STPG2: variants seen among roughly 807,000 people sequenced by gnomAD.
The protein encoded by STPG2 is sperm tail PG-rich repeat containing 2, also known as sperm-tail PG-rich repeat-containing protein 2.
In STPG2, 56 loss-of-function variants were observed where a neutral mutation model predicts 54.2. The ratio of observed to expected loss-of-function variants is 1.03; its 90% CI spans 0.83 to 1.29. The LOEUF (loss-of-function observed/expected upper bound fraction) is 1.29. STPG2 is among the 50% of genes most tolerant of loss of function. The pLI is 0.00. For synonymous variants in STPG2, 200 were observed against 181.8 expected (o/e 1.10, Z -0.81); for missense variants, 596 against 544.9 (o/e 1.09, Z -0.93).
chr4:98,061,625 AG>A (rs1233709364), intron 5 of STPG2, among the ~76,000 whole-genome samples: 1 of 150,432 alleles, frequency 6.6e-6, no homozygotes, highest in African/African-American at 2.5e-5. Context: ...AATTTTAAAA[AG>A]TGAGCAAAGT....
chr4:97,866,910 T>TA (rs138050815), intron 8 of STPG2, among the ~76,000 whole-genome samples: 24,397 of 151,518 alleles, frequency 0.16, 2,128 homozygotes, highest in East Asian at 0.35. Context: ...TGCAGCAAGG[T>TA]AAAAAAAACT....
In STPG2 at chr4:98,097,875, C is replaced by A. The variant is rs544590028; in HGVS notation, c.612+8078G>T. 2.6e-5 allele frequency among the ~76,000 whole-genome samples: 4 copies of A among 152,076 alleles called. No homozygotes were observed. The East Asian group carries it at 5.8e-4, about 22-fold the overall frequency. ...AAAAAAGTAATCCCATTTACAATAG[C>A]CACAGATAAAATTGAATACCTAGGA... On this transcript the variant is annotated intron_variant, in intron 5 of 10. Coordinates refer to ENST00000295268, the MANE Select transcript of STPG2 (RefSeq NM_174952.3).
chr4:98,100,069 T>C (rs916809798), intron 5 of STPG2, among the ~76,000 whole-genome samples: 3 of 152,122 alleles, frequency 2.0e-5, no homozygotes, highest in Non-Finnish European at 2.9e-5. Flanking sequence ...AAAATGATGA[T>C]ACTATAGCAC....
intron 3 of STPG2, among the ~76,000 whole-genome samples, chr4:98,113,273 T>G (rs1474137390): frequency 6.6e-6 from 1 of 151,996 alleles, no homozygotes; most frequent in East Asian, 1.9e-4. Flanking sequence ...GAAAGAGACT[T>G]ATTCGGGAGC....
intron 8 of STPG2, among the ~76,000 whole-genome samples, chr4:97,863,195 G>T (rs534971728): frequency 2.6e-5 from 4 of 151,916 alleles, no homozygotes; most frequent in Non-Finnish European, 5.9e-5. Flanking sequence ...TTGATAGACC[G>T]CTAGCAAGAC....
intron 4 of STPG2, among the ~76,000 whole-genome samples, chr4:97,492,990 A>G (rs540128486): frequency 1.3e-5 from 2 of 149,792 alleles, no homozygotes; most frequent in East Asian, 2.0e-4. Context: ...GACAAAGAAC[A>G]TGGCAAAAGT....
At chr4:97,704,595 G>A (rs1446001900) in intron 10 of STPG2, among the ~76,000 whole-genome samples, 1 of 152,148 alleles carries the variant, frequency 6.6e-6, no homozygotes, top group Admixed American at 6.5e-5. Flanking sequence ...TTTTAGAATG[G>A]CAAATGACAG....
intron 10 of STPG2, among the ~76,000 whole-genome samples, chr4:97,610,004 C>G (rs921531219): frequency 1.3e-5 from 2 of 151,648 alleles, no homozygotes; most frequent in African/African-American, 2.4e-5. Flanking sequence ...ATAATAGGAC[C>G]ATTTACAGTT....
intron 10 of STPG2, among the ~76,000 whole-genome samples, chr4:97,598,001 G>A (rs1323981517): frequency 6.6e-6 from 1 of 151,754 alleles, no homozygotes; most frequent in East Asian, 1.9e-4. Flanking sequence ...CTGTCTGAAA[G>A]CCCCTTGATC....
chr4:98,014,515 C>A (rs1399417652), intron 5 of STPG2, among the ~76,000 whole-genome samples: 1 of 152,130 alleles, frequency 6.6e-6, no homozygotes, highest in Non-Finnish European at 1.5e-5. Context: ...AGCCTCCCAT[C>A]ACCGCTGCTG....
chr4:97,725,874 T>G (rs535919065), intron 9 of STPG2, among the ~76,000 whole-genome samples: 1 of 151,982 alleles, frequency 6.6e-6, no homozygotes, highest in East Asian at 1.9e-4. Context: ...TAAGAAGTTT[T>G]TAAAATTCTA....
intron 10 of STPG2, among the ~76,000 whole-genome samples, chr4:97,581,017 A>T (rs1476986952): frequency 6.6e-6 from 1 of 151,970 alleles, no homozygotes; most frequent in East Asian, 1.9e-4. Flanking sequence ...TTATTTACTT[A>T]TATTTATTTG....
intron 9 of STPG2, among the ~76,000 whole-genome samples, chr4:97,755,814 G>A (rs1005654503): frequency 1.3e-5 from 2 of 152,102 alleles, no homozygotes; most frequent in African/African-American, 2.4e-5. Context: ...ATGGGTTCCT[G>A]TATCTATTCC....
chr4:97,591,555 T>A (rs1362141148), intron 10 of STPG2, among the ~76,000 whole-genome samples: 1 of 152,220 alleles, frequency 6.6e-6, no homozygotes, highest in Non-Finnish European at 1.5e-5. Flanking sequence ...ATAACCTGAT[T>A]CTTCCACAGA....
intron 5 of STPG2, among the ~76,000 whole-genome samples, chr4:98,075,057 C>T (rs1323507382): frequency 6.6e-6 from 1 of 152,168 alleles, no homozygotes; most frequent in East Asian, 1.9e-4. Flanking sequence ...GAAATTTTGA[C>T]ACTGAGTTTA....
intron 9 of STPG2, among the ~76,000 whole-genome samples, chr4:97,751,209 C>T (rs1290351908): frequency 6.6e-6 from 1 of 151,800 alleles, no homozygotes; most frequent in Non-Finnish European, 1.5e-5. Context: ...GGAGAGAGCA[C>T]CTGGAACATT....
intron 9 of STPG2, among the ~76,000 whole-genome samples, chr4:97,746,248 C>T (rs1013936850): frequency 6.6e-6 from 1 of 151,104 alleles, no homozygotes; most frequent in Admixed American, 6.6e-5. Flanking sequence ...ATCTTTAACT[C>T]ACTAAATTAA....
intron 5 of STPG2, among the ~76,000 whole-genome samples, chr4:98,005,424 C>T (rs934264054): frequency 6.6e-6 from 1 of 152,174 alleles, no homozygotes; most frequent in Admixed American, 6.5e-5. Context: ...TCCAGTACTA[C>T]ATTAAATAGA....
At chr4:97,966,536 A>G (rs992178830) in intron 7 of STPG2, among the ~76,000 whole-genome samples, 5 of 152,188 alleles carry the variant, frequency 3.3e-5, no homozygotes, top group Admixed American at 6.5e-5. Flanking sequence ...CAACAAATAT[A>G]CTTCTTGAGA....
Sources: allele counts gnomAD v4.1 joint callset (sites outside exome capture counted in the v4.1 genomes callset), GRCh38; gene constraint gnomAD v4.1.1; transcripts MANE v1.5; gene names NCBI Gene and HGNC (gene_info 2026-07-23, HGNC 2026-07-21).